RELN: variants seen among roughly 807,000 people sequenced by gnomAD.
RELN encodes reelin.
In RELN, 108 loss-of-function variants were observed where a neutral mutation model predicts 427.6. The observed-to-expected ratio is 0.25, with a 90% confidence interval of 0.22 to 0.30. The LOEUF is 0.30. Among genes scored for constraint, RELN ranks in the 10% least tolerant of loss-of-function variants. The pLI is 1.00. For missense variants in RELN, 3,715 were observed against 4,302.8 expected (o/e 0.86, Z 3.82); for synonymous variants, 1,524 against 1,513.4 (o/e 1.01, Z -0.16).
At chr7:103,521,525 C>T (rs561683447) in intron 48 of RELN, among the ~76,000 whole-genome samples, 2 of 152,252 alleles carry the variant, frequency 1.3e-5, no homozygotes, top group South Asian at 4.2e-4. Context: ...AATTCAGGAA[C>T]CATCACAGCT....
intron 51 of RELN, among the ~76,000 whole-genome samples, chr7:103,507,884 C>T (rs565361705): frequency 2.7e-4 from 41 of 152,144 alleles, no homozygotes; most frequent in African/African-American, 9.2e-4. Flanking sequence ...TACAAACTAC[C>T]GTCAGAGAAT....
At chr7:103,486,176 A>G (rs375238561) in intron 61 of RELN, 21 bp downstream of exon 61, 18 of 1,608,986 alleles carry the variant, frequency 1.1e-5, no homozygotes, top group East Asian at 4.5e-5. Flanking sequence ...TGTCTGGACT[A>G]AAATATGGAG....
chr7:103,869,845 TTTAA>T (rs1794286456), intron 2 of RELN, among the ~76,000 whole-genome samples: 1 of 152,160 alleles, frequency 6.6e-6, no homozygotes. Flanking sequence ...TATATCCAAC[TTTAA>T]TTCTCTGTTT....
At chr7:103,794,804 G>C (rs1792258778) in intron 3 of RELN, among the ~76,000 whole-genome samples, 1 of 152,088 alleles carries the variant, frequency 6.6e-6, no homozygotes, top group African/African-American at 2.4e-5. Flanking sequence ...CTAGATGCTA[G>C]GTATGACAAC....
intron 51 of RELN, 40 bp from the exon 52 acceptor site, chr7:103,503,270 A>G (rs188366778): frequency 1.2e-5 from 19 of 1,573,910 alleles, no homozygotes; most frequent in Admixed American, 8.3e-5. Flanking sequence ...TTAAAACTAT[A>G]TGATATGATT....
In RELN at chr7:103,594,418, G is replaced by A. The variant is rs754790269; in HGVS notation, c.3614C>T (p.Ser1205Leu). ...TGCCCACTGGTCATAGTCCTCCCCT[G>A]AGAACACGGGCTGCCACCAGCGGAA... is the stretch of plus-strand genomic sequence containing the variant. ...TRFRWWQPVF[S>L]GEDYDQWAVD... The change falls in exon 26 of 65, where the codon TCA (serine) becomes TTA (leucine). Residue 1205 changes from serine (S) to leucine (L), a missense_variant. Ser to Leu is a moderately radical substitution (Grantham distance 145, BLOSUM62 -2). Coordinates refer to ENST00000428762, the MANE Select transcript of RELN (RefSeq NM_005045.4). The A allele has an allele frequency of 3.1e-6, 5 of 1,614,048 alleles. No homozygotes were observed. Among genetic ancestry groups the A allele is most frequent in the Non-Finnish European group, 4.2e-6 (5 of 1,179,922 alleles).
chr7:103,763,312 G>A (rs1336130205), intron 4 of RELN, among the ~76,000 whole-genome samples: 1 of 152,178 alleles, frequency 6.6e-6, no homozygotes, highest in African/African-American at 2.4e-5. Flanking sequence ...AAGTGTCCTT[G>A]CTTTATATGG....
At chr7:103,931,038 T>G (rs544674960) in intron 1 of RELN, among the ~76,000 whole-genome samples, 70 of 152,224 alleles carry the variant, frequency 4.6e-4, no homozygotes, top group Non-Finnish European at 7.4e-4. Flanking sequence ...CTGCCCTTCC[T>G]GAGTCTTATA....
chr7:103,833,085 A>T (rs1765457169), intron 3 of RELN, among the ~76,000 whole-genome samples: 1 of 152,104 alleles, frequency 6.6e-6, no homozygotes, highest in Non-Finnish European at 1.5e-5. Context: ...TAACCTATCC[A>T]TTACATCATA....
Position 103,941,622 on chromosome 7 carries a change from G to A in RELN, c.227-24437C>T, listed in dbSNP as rs185712554. Among the ~76,000 whole-genome samples, 533 of 152,096 alleles carry A rather than the reference G, an allele frequency of 3.5e-3. 8 individuals carry two copies. The highest frequency in any genetic ancestry group is 1.6e-3 in the Non-Finnish European group (110 of 67,970). On this transcript the variant is annotated intron_variant, in intron 1 of 64. Transcript: ENST00000428762. ...TAAAATTTTGAAAAAAATTTTAAAT[G>A]TTCTAGAAAAAAGATAAAATTATTT...
At chr7:103,709,386 G>A (rs1311384233) in intron 8 of RELN, among the ~76,000 whole-genome samples, 3 of 152,190 alleles carry the variant, frequency 2.0e-5, no homozygotes, top group Non-Finnish European at 4.4e-5. Context: ...ATTGGTTAAA[G>A]ATATGGCGAC....
chr7:103,545,319 C>T lies in RELN; in HGVS notation c.6328G>A (p.Gly2110Arg), dbSNP rs959592193. 2.5e-6 allele frequency: 4 copies of T among 1,613,804 alleles called. No individual in the cohort carries two copies. The highest frequency in any genetic ancestry group is 3.4e-6 in the Non-Finnish European group (4 of 1,179,736). Residue 2110 changes from glycine to arginine, a missense_variant, in exon 42 of 65, where the codon GGA becomes AGA. Coordinates refer to ENST00000428762, the MANE Select transcript of RELN (RefSeq NM_005045.4). ...CGSVRFRWYQ[G>R]FYPAGSQPVT... ...GGCTGAGAGCCGGCAGGGTAAAATC[C>T]CTGGTACCATCTGAAACGGACAGAT...
chr7:103,726,966 C>T (rs757008891), intron 7 of RELN, among the ~76,000 whole-genome samples: 9 of 152,084 alleles, frequency 5.9e-5, no homozygotes, highest in Non-Finnish European at 1.2e-4. Flanking sequence ...GTAATTTCAA[C>T]TAAAAACTCC....
intron 7 of RELN, among the ~76,000 whole-genome samples, chr7:103,727,642 T>C (rs1256334805): frequency 1.3e-5 from 2 of 152,184 alleles, no homozygotes; most frequent in Non-Finnish European, 2.9e-5. Flanking sequence ...AACTGGTTTA[T>C]TCAGCGTGCT....
intron 1 of RELN, among the ~76,000 whole-genome samples, chr7:103,943,347 A>T (rs1054690379): frequency 1.6e-4 from 25 of 152,282 alleles, no homozygotes; most frequent in African/African-American, 5.5e-4. Flanking sequence ...CCGGCCTGTT[A>T]GAATAATCAT....
chr7:103,679,440 C>T (rs1281392589), intron 11 of RELN, among the ~76,000 whole-genome samples: 6 of 152,152 alleles, frequency 3.9e-5, no homozygotes, highest in East Asian at 1.9e-4. Flanking sequence ...GAGAGTGGTA[C>T]GGTGCTTTTC....
Position 103,472,775 on chromosome 7 carries a change from C to T in RELN, c.*37G>A, listed in dbSNP as rs374606622. ...TTTAAAAGAATGGAGAGCAACACAT[C>T]ACATGTTGGAAGAAAAAAAATAAAC... is the stretch of plus-strand genomic sequence containing the variant. On this transcript the variant is annotated 3_prime_UTR_variant, in exon 65 of 65. Coordinates refer to ENST00000428762, the MANE Select transcript of RELN (RefSeq NM_005045.4). 30 of 1,463,790 alleles carry T rather than the reference C, an allele frequency of 2.0e-5. No individual in the cohort carries two copies. Among genetic ancestry groups the T allele is most frequent in the Non-Finnish European group, 2.7e-5 (28 of 1,043,644 alleles). 90.7% of individuals were successfully genotyped at this position (1,463,790 alleles called of 1,614,324 possible). A position where few individuals can be genotyped will look rare whatever the true frequency, so the allele number is the denominator to read the frequency against.
At position 103,646,803 on chromosome 7, in the gene RELN, A is replaced by T. The variant is rs1460615331; in HGVS notation, c.2002+3471T>A. On this transcript the variant is annotated intron_variant, in intron 16 of 64. Coordinates refer to ENST00000428762, the MANE Select transcript of RELN (RefSeq NM_005045.4). Reference sequence around the variant, plus strand: ...TATAAACCTGATACCAAAGCCAGGCAAGGACACAACAAAAAAGGAAAACTG... The same window carrying T: ...TATAAACCTGATACCAAAGCCAGGCTAGGACACAACAAAAAAGGAAAACTG... Among the ~76,000 whole-genome samples, 5 of 152,026 alleles carry T rather than the reference A, an allele frequency of 3.3e-5. No homozygotes were observed. The East Asian group carries it at 9.6e-4, about 29-fold the overall frequency.
intron 8 of RELN, among the ~76,000 whole-genome samples, chr7:103,720,154 T>C (rs1212093351): frequency 2.0e-5 from 3 of 150,338 alleles, no homozygotes; most frequent in Non-Finnish European, 3.0e-5. Flanking sequence ...ATGTAATATA[T>C]GTATATATTG....
Sources: allele counts gnomAD v4.1 joint callset (sites outside exome capture counted in the v4.1 genomes callset), GRCh38; gene constraint gnomAD v4.1.1; transcripts MANE v1.5; gene names NCBI Gene and HGNC (gene_info 2026-07-23, HGNC 2026-07-21).